Variants in ARAP1 observed in about 807,000 individuals in gnomAD.
ARAP1 encodes the protein ArfGAP with RhoGAP domain, ankyrin repeat and PH domain 1.
ARAP1 carries 76 observed loss-of-function variants against 172.2 expected under a neutral mutation model. The observed-to-expected ratio is 0.44, with a 90% CI of 0.37 to 0.53. The LOEUF (loss-of-function observed/expected upper bound fraction) is 0.53, where lower values mean the gene tolerates loss of function less well. Among genes scored for constraint, ARAP1 ranks in the 20% least tolerant of loss-of-function variants. The pLI is 0.00. For missense variants in ARAP1, 1,686 were observed against 1,977.5 expected (o/e 0.85, Z 2.80); for synonymous variants, 804 against 803.3 (o/e 1.00, Z -0.01).
intron 14 of ARAP1, chr11:72,703,408 CGGG>C: frequency 2.6e-5 from 3 of 114,068 alleles, no homozygotes; most frequent in Non-Finnish European, 3.7e-5. Flanking sequence ...GTGGAGGAGC[CGGG>C]GGGGGGGTGT....
At chr11:72,730,676 G>C (rs950373409) in intron 2 of ARAP1, among the ~76,000 whole-genome samples, 2 of 152,130 alleles carry the variant, frequency 1.3e-5, no homozygotes, top group African/African-American at 4.8e-5. Flanking sequence ...TTCCAGCCTG[G>C]GGGACACTTT....
chr11:72,728,545 C>T (rs1857767182), intron 2 of ARAP1, among the ~76,000 whole-genome samples: 1 of 152,186 alleles, frequency 6.6e-6, no homozygotes, highest in South Asian at 2.1e-4. Flanking sequence ...CATGCCACTG[C>T]ACCCCAGCCT....
Position 72,712,468 on chromosome 11 carries a change from T to A in ARAP1, c.848A>T (p.Glu283Val). The change falls in exon 6 of 35, where the codon GAG (glutamate) becomes GTG (valine). Residue 283 changes from glutamate to valine, a missense_variant. Around this residue, in one of 5 missense-constraint regions of ARAP1, gnomAD observed 688 missense variants for 856.9 expected, o/e 0.80. Transcript: ENST00000393609. The stretch of plus-strand genomic sequence containing the variant: ...GACGCCCTCATAGGCGTGGTCATCC[T>A]CTTCCTCATCCCCTTGGTCGTCCCC... Reference protein sequence around the residue: ...LSGDDQGDEEEDDHAYEGVPN... With the variant: ...LSGDDQGDEEVDDHAYEGVPN... 1 of 1,604,294 alleles carries A rather than the reference T, an allele frequency of 6.2e-7. No individual in the cohort carries two copies.
intron 1 of ARAP1, among the ~76,000 whole-genome samples, chr11:72,742,352 C>T (rs1350723625): frequency 6.6e-6 from 1 of 152,156 alleles, no homozygotes; most frequent in African/African-American, 2.4e-5. Flanking sequence ...ACATGGATTG[C>T]CTCATAAAAT....
intron 2 of ARAP1, among the ~76,000 whole-genome samples, chr11:72,731,859 A>G (rs574653258): frequency 1.3e-5 from 2 of 152,298 alleles, no homozygotes; most frequent in South Asian, 4.1e-4. Context: ...CACCATCCCA[A>G]CTAAAATTAC....
intron 1 of ARAP1, among the ~76,000 whole-genome samples, chr11:72,751,827 G>A (rs1333115919): frequency 6.6e-6 from 1 of 152,072 alleles, no homozygotes; most frequent in African/African-American, 2.4e-5. Flanking sequence ...CATTCCCTGA[G>A]CACATACTTT....
In ARAP1 at chr11:72,703,891, G is replaced by C. The variant is rs952100905; in HGVS notation, c.1992+261C>G. The C allele has an allele frequency of 5.7e-6, 3 of 525,734 alleles. No individual in the cohort carries two copies. The African/African-American group carries it at 5.9e-5, about 10-fold the overall frequency. The allele number at this position is 525,734 out of a possible 1,614,324, so 32.6% of individuals were successfully genotyped here. ...TTCAGAAGCAACCGGACGGGGTGCA[G>C]GAGACTGAGGAATTGGGAGAGAGAC... On this transcript the variant is annotated intron_variant, in intron 14 of 34. Coordinates refer to ENST00000393609, the MANE Select transcript of ARAP1 (RefSeq NM_001040118.3).
At chr11:72,704,875 T>C (rs774412661) in intron 13 of ARAP1, 26 of 158,748 alleles carry the variant, frequency 1.6e-4, no homozygotes, top group Admixed American at 5.8e-4. Context: ...TGCCTCCTTG[T>C]CAGGTCCTGT....
At position 72,695,653 on chromosome 11, in the gene ARAP1, C is replaced by A; in HGVS notation, c.3421-25G>T. On this transcript the variant is annotated intron_variant, in intron 24 of 34. Transcript: ENST00000393609. The surrounding 1 kb of genome is among the most constrained non-coding windows in gnomAD (Gnocchi z 4.4). The stretch of plus-strand genomic sequence containing the variant: ...CCTGGGAAGGGGCGAGAGGCAGGGA[C>A]AGGTGGTCACCGTCATCTGCAAGGA... 1 of 1,614,042 alleles carries A rather than the reference C, an allele frequency of 6.2e-7. No homozygotes were observed. Among genetic ancestry groups the A allele is most frequent in the Non-Finnish European group, 8.5e-7 (1 of 1,179,982 alleles).
chr11:72,703,973 A>C, intron 14 of ARAP1, 179 bp downstream of exon 14: 1 of 764,912 alleles, frequency 1.3e-6, no homozygotes, highest in Non-Finnish European at 2.0e-6. Context: ...TCCTCCCTGC[A>C]TGGCCAGAAC....
intron 3 of ARAP1, among the ~76,000 whole-genome samples, chr11:72,717,273 C>A (rs1432461937): frequency 3.9e-5 from 6 of 152,170 alleles, no homozygotes; most frequent in African/African-American, 1.4e-4. Flanking sequence ...GCCTTGGAAA[C>A]CCGGCCTGGG....
intron 5 of ARAP1, 179 bp from the exon 6 acceptor site, chr11:72,712,747 A>G: frequency 9.8e-7 from 1 of 1,015,322 alleles, no homozygotes; most frequent in South Asian, 1.5e-5. Flanking sequence ...CCCAGATCAC[A>G]GGGACAGGAG....
chr11:72,722,022 T>TG, intron 3 of ARAP1: 1 of 985,710 alleles, frequency 1.0e-6, no homozygotes, highest in Non-Finnish European at 1.2e-6. Flanking sequence ...TGCGTTCTCT[T>TG]GGAGGTTTTT....
chr11:72,739,769 T>TG (rs1858146675), intron 1 of ARAP1, among the ~76,000 whole-genome samples: 2 of 152,294 alleles, frequency 1.3e-5, no homozygotes, highest in South Asian at 2.1e-4. Flanking sequence ...CCTAAGGTCT[T>TG]GGCTAGTCCT....
Position 72,704,344 on chromosome 11 carries a change from T to G in ARAP1, c.1810-10A>C. 1 of 1,553,250 alleles carries G rather than the reference T, an allele frequency of 6.4e-7. No individual in the cohort carries two copies. Among genetic ancestry groups the G allele is most frequent in the Non-Finnish European group, 8.7e-7 (1 of 1,150,910 alleles). ...CCAGCTGTAAGAAGAGCTGTGGGGG[T>G]GTGCAGGAGGTCAGACGGGCCAGCT... On this transcript the variant is annotated splice_polypyrimidine_tract_variant and intron_variant, in intron 13 of 34. Transcript: ENST00000393609.
chr11:72,711,276 C>T, intron 8 of ARAP1, 135 bp from the exon 9 acceptor site: 1 of 1,479,818 alleles, frequency 6.8e-7, no homozygotes, highest in Non-Finnish European at 9.2e-7. Flanking sequence ...CTGACTGCAG[C>T]CCTCAGCAGG....
At chr11:72,692,842 C>A in intron 29 of ARAP1, 57 bp from the exon 30 acceptor site, 1 of 1,604,894 alleles carries the variant, frequency 6.2e-7, no homozygotes, top group Non-Finnish European at 8.5e-7. Context: ...GCCAGGACAG[C>A]ATGTGCAGTG....
At position 72,726,875 on chromosome 11, in the gene ARAP1, T is replaced by C; in HGVS notation, c.254A>G (p.Lys85Arg). 1 of 1,571,670 alleles carries C rather than the reference T, an allele frequency of 6.4e-7. No homozygotes were observed. Among genetic ancestry groups the C allele is most frequent in the Non-Finnish European group, 8.6e-7 (1 of 1,158,172 alleles). Residue 85 changes from lysine (K) to arginine (R), a missense_variant, in exon 3 of 35, where the codon AAG becomes AGG. By Grantham distance (26) the Lys-to-Arg change is conservative. Around this residue, in one of 5 missense-constraint regions of ARAP1, gnomAD observed 190 missense variants for 228.6 expected, o/e 0.83. Transcript: ENST00000393609. This position sits in a 1 kb window ranked among gnomAD's most constrained non-coding sequence, Gnocchi z 6.5. The stretch of plus-strand genomic sequence containing the variant: ...AGGTGGTGAGCGGAAGATGTGGCGC[T>C]TCATGGGCACAGGCCGTGGGGTGGG... Reference protein sequence around the residue: ...PRPTPRPVPMKRHIFRSPPVP... With the variant: ...PRPTPRPVPMRRHIFRSPPVP...
chr11:72,703,044 A>G lies in ARAP1; in HGVS notation c.2028T>C (p.Ala676=), dbSNP rs1405135146. ...CACAGCCCAGGAGCGCCTGGGTCTC[A>G]GCCAGGTCTGTGGTGGTGACTGCAG... The part of the protein sequence containing the change: ...LCAAVTTTDL[A]ETQALLGCGA... Residue 676 remains alanine, a synonymous_variant, in exon 15 of 35, where the codon GCT becomes GCC. Transcript: ENST00000393609. The G allele has an allele frequency of 6.3e-7, 1 of 1,598,662 alleles. No homozygotes were observed. The highest frequency in any genetic ancestry group is 1.1e-5 in the South Asian group (1 of 88,760).
Sources: allele counts gnomAD v4.1 joint callset (sites outside exome capture counted in the v4.1 genomes callset), GRCh38; gene constraint gnomAD v4.1.1; regional missense constraint gnomAD v4.1.1; non-coding constraint Gnocchi (gnomAD v3.1); transcripts MANE v1.5; gene names NCBI Gene and HGNC (gene_info 2026-07-23, HGNC 2026-07-21).